ZBTB42: variants seen among roughly 807,000 people sequenced by gnomAD.
ZBTB42 encodes the protein zinc finger and BTB domain containing 42, also known as zinc finger and BTB domain-containing protein 42.
In ZBTB42, 3 loss-of-function variants were observed where a neutral mutation model predicts 4.7. That is an observed-to-expected ratio of 0.64 (90% CI 0.29 to 1.66). The LOEUF (loss-of-function observed/expected upper bound fraction) is 1.66, where lower values mean the gene tolerates loss of function less well. Among genes scored for constraint, ZBTB42 ranks in the 40% most tolerant of loss-of-function variants. The pLI is 0.10. For synonymous variants in ZBTB42, 255 were observed against 259.5 expected (o/e 0.98, Z 0.17); for missense variants, 521 against 577.1 (o/e 0.90, Z 1.00).
chr14:104,800,865 C>T (rs978468003), upstream of ZBTB42: 1 of 166,098 alleles, frequency 6.0e-6, no homozygotes, highest in Admixed American at 6.4e-5. The surrounding 1 kb of genome is among the most constrained non-coding windows in gnomAD (Gnocchi z 5.3). Context: ...GGTGGCGGCG[C>T]AGCCACCCGG....
At position 104,801,617 on chromosome 14, in the gene ZBTB42, G is replaced by C; in HGVS notation, c.420G>C (p.Pro140=). 3 of 1,549,950 alleles carry C rather than the reference G, an allele frequency of 1.9e-6. No individual in the cohort carries two copies. The highest frequency in any genetic ancestry group is 2.6e-6 in the Non-Finnish European group (3 of 1,146,700). ...PAPGAEPAQP[P]CPWPVWTADL... ...CTGGGGCAGAACCTGCTCAGCCACC[G>C]TGCCCCTGGCCTGTCTGGACCGCGG... The change falls in exon 1 of 1, where the codon CCG becomes CCC. Residue 140 remains proline, a synonymous_variant. Coordinates refer to ENST00000342537, the MANE Select transcript of ZBTB42 (RefSeq NM_001137601.3). This position sits in a 1 kb window ranked among gnomAD's most constrained non-coding sequence, Gnocchi z 4.4.
In ZBTB42 at chr14:104,801,767, G is replaced by C. The variant is rs10141867; in HGVS notation, c.570G>C (p.Leu190=). ...VPEESDQALD[L]SLKSGPRQER... ...AAGAGTCAGACCAGGCCCTGGACCT[G>C]TCGTTGAAGTCTGGCCCAAGGCAGG... The change falls in exon 1 of 1, where the codon CTG becomes CTC. Residue 190 remains leucine (L), a synonymous_variant. Transcript: ENST00000342537. This position sits in a 1 kb window ranked among gnomAD's most constrained non-coding sequence, Gnocchi z 4.4. 1.9e-6 allele frequency: 3 copies of C among 1,548,790 alleles called. No individual in the cohort carries two copies. The highest frequency in any genetic ancestry group is 2.6e-6 in the Non-Finnish European group (3 of 1,146,132).
rs372776172 is a variant in ZBTB42 at position 104,802,638 on chromosome 14, C to T, written c.*172C>T. The T allele has an allele frequency of 1.4e-5, 14 of 1,024,418 alleles. No homozygotes were observed. Among genetic ancestry groups the T allele is most frequent in the African/African-American group, 1.1e-4 (7 of 61,404 alleles). The allele number at this position is 1,024,418 out of a possible 1,614,324, so 63.5% of individuals were successfully genotyped here. A position where few individuals can be genotyped will look rare whatever the true frequency, so the allele number is the denominator to read the frequency against. On this transcript the variant is annotated 3_prime_UTR_variant, in exon 1 of 1. Coordinates refer to ENST00000342537, the MANE Select transcript of ZBTB42 (RefSeq NM_001137601.3). This position sits in a 1 kb window ranked among gnomAD's most constrained non-coding sequence, Gnocchi z 5.9. ...TCTTCCTGGAACTTGGCCTCAGACT[C>T]GGTAACTTGGGCAGCCTTCCTCCCA... is the stretch of plus-strand genomic sequence containing the variant.
rs758301491 is a variant in ZBTB42, at chr14:104,801,562, A to C, written c.365A>C (p.Asp122Ala). The change falls in exon 1 of 1, where the codon GAT becomes GCT. Residue 122 changes from aspartate to alanine, a missense_variant. By Grantham distance (126) the Asp-to-Ala change is moderately radical. Coordinates refer to ENST00000342537, the MANE Select transcript of ZBTB42 (RefSeq NM_001137601.3). This position sits in a 1 kb window ranked among gnomAD's most constrained non-coding sequence, Gnocchi z 4.4. ...KVCKGRLQEK[D>A]RSLDPGNPAP... ...TGCAAGGGCAGGCTCCAGGAGAAGGATCGAAGTCTGGACCCGGGGAACCCT... is the reference window on the plus strand; with the variant it reads ...TGCAAGGGCAGGCTCCAGGAGAAGGCTCGAAGTCTGGACCCGGGGAACCCT... 33 of 1,549,888 alleles carry C rather than the reference A, an allele frequency of 2.1e-5. No individual in the cohort carries two copies. Among genetic ancestry groups the C allele is most frequent in the Non-Finnish European group, 2.8e-5 (32 of 1,146,798 alleles).
Position 104,802,786 on chromosome 14 carries a change from A to G in ZBTB42, c.*320A>G. The G allele has an allele frequency of 4.8e-6, 2 of 417,384 alleles. No individual in the cohort carries two copies. Among genetic ancestry groups the G allele is most frequent in the Non-Finnish European group, 4.5e-6 (1 of 222,306 alleles). The allele number at this position is 417,384 out of a possible 1,614,324, so 25.9% of individuals were successfully genotyped here. A position where few individuals can be genotyped will look rare whatever the true frequency, so the allele number is the denominator to read the frequency against. Reference sequence around the variant, plus strand: ...GCCAAGTTCTGAGGGGTGTCCAACCAGCACCTGGCTCTGCCCCCGTTTCTC... The same window carrying G: ...GCCAAGTTCTGAGGGGTGTCCAACCGGCACCTGGCTCTGCCCCCGTTTCTC... On this transcript the variant is annotated 3_prime_UTR_variant, in exon 1 of 1. Coordinates refer to ENST00000342537, the MANE Select transcript of ZBTB42 (RefSeq NM_001137601.3). This position sits in a 1 kb window ranked among gnomAD's most constrained non-coding sequence, Gnocchi z 5.9.
In ZBTB42 at chr14:104,802,041, G is replaced by T; in HGVS notation, c.844G>T (p.Ala282Ser). 1 of 1,496,824 alleles carries T rather than the reference G, an allele frequency of 6.7e-7. No individual in the cohort carries two copies. The highest frequency in any genetic ancestry group is 8.9e-7 in the Non-Finnish European group (1 of 1,123,126). The allele number at this position is 1,496,824 out of a possible 1,614,324, so 92.7% of individuals were successfully genotyped here. A position where few individuals can be genotyped will look rare whatever the true frequency, so the allele number is the denominator to read the frequency against. ...GCTGGAGCTTGGTGCAGGGCGACTG[G>T]CGAGTGAGGACGAGCTGGGGCCTGG... ...RELELGAGRL[A>S]SEDELGPGGP... Residue 282 changes from alanine (A) to serine (S), a missense_variant, in exon 1 of 1, where the codon GCG becomes TCG. Ala to Ser is a moderately conservative substitution (Grantham distance 99, BLOSUM62 1). Coordinates refer to ENST00000342537, the MANE Select transcript of ZBTB42 (RefSeq NM_001137601.3). This position sits in a 1 kb window ranked among gnomAD's most constrained non-coding sequence, Gnocchi z 5.9.
chr14:104,802,772 AG>A lies in ZBTB42; in HGVS notation c.*310del, dbSNP rs1894078433. The A allele has an allele frequency of 4.4e-6, 2 of 455,278 alleles. No homozygotes were observed. Among genetic ancestry groups the A allele is most frequent in the Admixed American group, 4.0e-5 (1 of 25,042 alleles). The allele number at this position is 455,278 out of a possible 1,614,324, so 28.2% of individuals were successfully genotyped here. On this transcript the variant is annotated 3_prime_UTR_variant, in exon 1 of 1. Transcript: ENST00000342537. The surrounding 1 kb of genome is among the most constrained non-coding windows in gnomAD (Gnocchi z 5.9). ...TCCCGTCCCCTCCAGCCAAGTTCTGAGGGGTGTCCAACCAGCACCTGGCTCT... is the reference window on the plus strand; with the variant it reads ...TCCCGTCCCCTCCAGCCAAGTTCTGAGGGTGTCCAACCAGCACCTGGCTCT...
Position 104,801,458 on chromosome 14 carries a change from C to A in ZBTB42, c.261C>A (p.Arg87=). Residue 87 remains arginine, a synonymous_variant, in exon 1 of 1, where the codon CGC becomes CGA. Coordinates refer to ENST00000342537, the MANE Select transcript of ZBTB42 (RefSeq NM_001137601.3). This position sits in a 1 kb window ranked among gnomAD's most constrained non-coding sequence, Gnocchi z 4.4. The part of the protein sequence containing the change: ...GRLLDFMYEG[R]LDLRSLPVED... ...TACTGGACTTCATGTACGAGGGCCGCCTGGACCTGCGCAGCCTGCCTGTGG... is the reference window on the plus strand; with the variant it reads ...TACTGGACTTCATGTACGAGGGCCGACTGGACCTGCGCAGCCTGCCTGTGG... 1 of 1,550,134 alleles carries A rather than the reference C, an allele frequency of 6.5e-7. No individual in the cohort carries two copies. Among genetic ancestry groups the A allele is most frequent in the South Asian group, 1.2e-5 (1 of 84,070 alleles).
Position 104,802,403 on chromosome 14 carries a change from C to G in ZBTB42, c.1206C>G (p.Ser402=), listed in dbSNP as rs145613562. 6.4e-7 allele frequency: 1 copy of G among 1,550,996 alleles called. No individual in the cohort carries two copies. The change falls in exon 1 of 1, where the codon TCC becomes TCG. Residue 402 remains serine, a synonymous_variant. Coordinates refer to ENST00000342537, the MANE Select transcript of ZBTB42 (RefSeq NM_001137601.3). This position sits in a 1 kb window ranked among gnomAD's most constrained non-coding sequence, Gnocchi z 5.9. Reference sequence around the variant, plus strand: ...GGTGTGAGCGCCGTTTCACGCAGTCCGGGGACCTCTACCGCCACGTCCGCA... The same window carrying G: ...GGTGTGAGCGCCGTTTCACGCAGTCGGGGGACCTCTACCGCCACGTCCGCA... ...CRWCERRFTQ[S]GDLYRHVRKF...
At chr14:104,800,662 G>A (rs1894017382), upstream of ZBTB42, 2 of 146,338 alleles carry the variant, frequency 1.4e-5, no homozygotes, top group African/African-American at 2.4e-5. The surrounding 1 kb of genome is among the most constrained non-coding windows in gnomAD (Gnocchi z 5.3). Flanking sequence ...GAGGGCGCGC[G>A]CGCGAGCGGC....
chr14:104,801,679 C>G lies in ZBTB42; in HGVS notation c.482C>G (p.Pro161Arg), dbSNP rs1359182743. 3 of 1,550,306 alleles carry G rather than the reference C, an allele frequency of 1.9e-6. No homozygotes were observed. The highest frequency in any genetic ancestry group is 1.7e-4 in the Middle Eastern group (1 of 5,994). ...GCTGCCCGAAAGGCCAAGCTCCCCC[C>G]GTTTGGGGTCAAGGCTGCCCTCCCT... ...CPAARKAKLP[P>R]FGVKAALPPR... Residue 161 changes from proline to arginine, a missense_variant, in exon 1 of 1, where the codon CCG becomes CGG. Physicochemically the swap from Pro to Arg is moderately radical, Grantham distance 103. Coordinates refer to ENST00000342537, the MANE Select transcript of ZBTB42 (RefSeq NM_001137601.3). This position sits in a 1 kb window ranked among gnomAD's most constrained non-coding sequence, Gnocchi z 4.4.
At position 104,802,634 on chromosome 14, in the gene ZBTB42, G is replaced by C. The variant is rs1207621919; in HGVS notation, c.*168G>C. 2.8e-6 allele frequency: 3 copies of C among 1,070,686 alleles called. No homozygotes were observed. The highest frequency in any genetic ancestry group is 1.3e-6 in the Non-Finnish European group (1 of 754,664). 66.3% of individuals were successfully genotyped at this position (1,070,686 alleles called of 1,614,324 possible). A position where few individuals can be genotyped will look rare whatever the true frequency, so the allele number is the denominator to read the frequency against. ...TGCCTCTTCCTGGAACTTGGCCTCA[G>C]ACTCGGTAACTTGGGCAGCCTTCCT... On this transcript the variant is annotated 3_prime_UTR_variant, in exon 1 of 1. Transcript: ENST00000342537. The surrounding 1 kb of genome is among the most constrained non-coding windows in gnomAD (Gnocchi z 5.9).
In ZBTB42 at chr14:104,802,685, A is replaced by C. The variant is rs1595273590; in HGVS notation, c.*219A>C. On this transcript the variant is annotated 3_prime_UTR_variant, in exon 1 of 1. Coordinates refer to ENST00000342537, the MANE Select transcript of ZBTB42 (RefSeq NM_001137601.3). The surrounding 1 kb of genome is among the most constrained non-coding windows in gnomAD (Gnocchi z 5.9). ...CCCACCTTGCCTCTCCTTTCCCCTC[A>C]CTCTCCAACTCATTCCGGCCCCCAG... is the stretch of plus-strand genomic sequence containing the variant. The C allele has an allele frequency of 3.1e-6, 2 of 646,638 alleles. No homozygotes were observed. The highest frequency in any genetic ancestry group is 5.7e-5 in the East Asian group (2 of 34,844). The allele number at this position is 646,638 out of a possible 1,614,324, so 40.1% of individuals were successfully genotyped here.
chr14:104,802,191 G>A lies in ZBTB42; in HGVS notation c.994G>A (p.Val332Met), dbSNP rs1415144869. 13 of 1,549,648 alleles carry A rather than the reference G, an allele frequency of 8.4e-6. No individual in the cohort carries two copies. Among genetic ancestry groups the A allele is most frequent in the African/African-American group, 5.5e-5 (4 of 73,070 alleles). ...STRARLSPDGVAPTCPLCGKT... is the reference protein window; with the variant it reads ...STRARLSPDGMAPTCPLCGKT... ...CCGGGCCCGGCTCTCACCCGACGGC[G>A]TGGCACCCACCTGCCCGCTCTGTGG... is the stretch of plus-strand genomic sequence containing the variant. Residue 332 changes from valine to methionine, a missense_variant, in exon 1 of 1, where the codon GTG becomes ATG. Coordinates refer to ENST00000342537, the MANE Select transcript of ZBTB42 (RefSeq NM_001137601.3). The surrounding 1 kb of genome is among the most constrained non-coding windows in gnomAD (Gnocchi z 5.9).
In ZBTB42 at chr14:104,801,464, C is replaced by T; in HGVS notation, c.267C>T (p.Asp89=). 6.5e-7 allele frequency: 1 copy of T among 1,550,170 alleles called. No individual in the cohort carries two copies. Among genetic ancestry groups the T allele is most frequent in the Non-Finnish European group, 8.7e-7 (1 of 1,146,884 alleles). ...ACTTCATGTACGAGGGCCGCCTGGA[C>T]CTGCGCAGCCTGCCTGTGGAGGACG... ...LLDFMYEGRL[D]LRSLPVEDVL... The change falls in exon 1 of 1, where the codon GAC becomes GAT. Residue 89 remains aspartate, a synonymous_variant. Transcript: ENST00000342537. This position sits in a 1 kb window ranked among gnomAD's most constrained non-coding sequence, Gnocchi z 4.4.
Position 104,804,578 on chromosome 14 carries a change from C to G in ZBTB42, c.*2112C>G, listed in dbSNP as rs2141033698. The G allele has an allele frequency of 6.0e-6, 1 of 167,002 alleles. No individual in the cohort carries two copies. The highest frequency in any genetic ancestry group is 1.9e-4 in the East Asian group (1 of 5,192). 10.3% of individuals were successfully genotyped at this position (167,002 alleles called of 1,614,324 possible). A position where few individuals can be genotyped will look rare whatever the true frequency, so the allele number is the denominator to read the frequency against. Reference sequence around the variant, plus strand: ...CTCGGCACCTGTGGGTGCTCTGACCCTGGGGGTGGGGACAGCTCCGTGCTA... The same window carrying G: ...CTCGGCACCTGTGGGTGCTCTGACCGTGGGGGTGGGGACAGCTCCGTGCTA... On this transcript the variant is annotated 3_prime_UTR_variant, in exon 1 of 1. Coordinates refer to ENST00000342537, the MANE Select transcript of ZBTB42 (RefSeq NM_001137601.3).
Position 104,801,481 on chromosome 14 carries a change from T to A in ZBTB42, c.284T>A (p.Val95Glu). The A allele has an allele frequency of 6.5e-7, 1 of 1,550,194 alleles. No homozygotes were observed. The highest frequency in any genetic ancestry group is 1.2e-5 in the South Asian group (1 of 84,064). The change falls in exon 1 of 1, where the codon GTG becomes GAG. Residue 95 changes from valine (V) to glutamate (E), a missense_variant. Val to Glu is a moderately radical substitution (Grantham distance 121). Coordinates refer to ENST00000342537, the MANE Select transcript of ZBTB42 (RefSeq NM_001137601.3). This position sits in a 1 kb window ranked among gnomAD's most constrained non-coding sequence, Gnocchi z 4.4. ...EGRLDLRSLP[V>E]EDVLAAASYL... is the part of the protein sequence containing the mutation. ...CGCCTGGACCTGCGCAGCCTGCCTG[T>A]GGAGGACGTCCTGGCAGCCGCCAGC...
In ZBTB42 at chr14:104,801,769, CGTT is replaced by C. The variant is rs2061253954; in HGVS notation, c.574_576del (p.Leu192del). On this transcript the variant is annotated inframe_deletion, in exon 1 of 1. Coordinates refer to ENST00000342537, the MANE Select transcript of ZBTB42 (RefSeq NM_001137601.3). The surrounding 1 kb of genome is among the most constrained non-coding windows in gnomAD (Gnocchi z 4.4). The stretch of plus-strand genomic sequence containing the variant: ...GAGTCAGACCAGGCCCTGGACCTGT[CGTT>C]GAAGTCTGGCCCAAGGCAGGAGCGG... The C allele has an allele frequency of 2.6e-6, 4 of 1,549,174 alleles. No homozygotes were observed. The highest frequency in any genetic ancestry group is 3.5e-6 in the Non-Finnish European group (4 of 1,146,260).
At position 104,803,070 on chromosome 14, in the gene ZBTB42, G is replaced by GA. The variant is rs1566831305; in HGVS notation, c.*604_*605insA. 1.5e-5 allele frequency: 2 copies of GA among 133,492 alleles called. No individual in the cohort carries two copies. Among genetic ancestry groups the GA allele is most frequent in the Non-Finnish European group, 3.7e-5 (2 of 54,368 alleles). 8.3% of individuals were successfully genotyped at this position (133,492 alleles called of 1,614,324 possible). ...ATCTGGGCACAGCTGGTGTCTCGGGGTGGGGGGGGGGGTGCAGCCCCAGCA... is the reference window on the plus strand; with the variant it reads ...ATCTGGGCACAGCTGGTGTCTCGGGGATGGGGGGGGGGGTGCAGCCCCAGCA... On this transcript the variant is annotated 3_prime_UTR_variant, in exon 1 of 1. Transcript: ENST00000342537.
Sources: allele counts gnomAD v4.1 joint callset, GRCh38; gene constraint gnomAD v4.1.1; non-coding constraint Gnocchi (gnomAD v3.1); transcripts MANE v1.5; gene names NCBI Gene and HGNC (gene_info 2026-07-23, HGNC 2026-07-21).